The following DNMBP variants were observed in gnomAD, a reference collection of about 807,000 sequenced individuals.
DNMBP encodes dynamin-binding protein.
A neutral mutation model predicts 150.0 loss-of-function variants in DNMBP; 87 were observed. The observed-to-expected ratio is 0.58, with a 90% CI of 0.49 to 0.69. The LOEUF (loss-of-function observed/expected upper bound fraction) is 0.69. DNMBP is among the 30% of genes least tolerant of loss of function. The probability of loss-of-function intolerance (pLI) is 0.00; values close to 1 mark genes in which losing one functional copy is unlikely to be tolerated. For synonymous variants in DNMBP, 711 were observed against 750.4 expected, an observed-to-expected ratio of 0.95 and a Z score of 0.86; for missense variants, 1,774 against 1,949.0, an observed-to-expected ratio of 0.91 and a Z score of 1.69.
intron 12 of DNMBP, among the ~76,000 whole-genome samples, chr10:99,888,292 C>T (rs1178831061): frequency 6.6e-6 from 1 of 151,790 alleles, no homozygotes; most frequent in African/African-American, 2.4e-5. Flanking sequence ...TTCATTGCAA[C>T]CTCCTCCTCC....
At chr10:99,911,225 A>G (rs991154154) in intron 4 of DNMBP, among the ~76,000 whole-genome samples, 2 of 151,066 alleles carry the variant, frequency 1.3e-5, no homozygotes, top group African/African-American at 2.4e-5. Context: ...TGAGTAAAAA[A>G]AAAATCTGGC....
intron 12 of DNMBP, among the ~76,000 whole-genome samples, chr10:99,887,140 G>A (rs1358658271): frequency 6.6e-6 from 1 of 151,132 alleles, no homozygotes; most frequent in Non-Finnish European, 1.5e-5. Context: ...CCAGGCTGGA[G>A]TGCAGTGGCG....
intron 1 of DNMBP, among the ~76,000 whole-genome samples, chr10:99,989,018 A>G (rs1489154476): frequency 6.6e-6 from 1 of 152,126 alleles, no homozygotes; most frequent in Non-Finnish European, 1.5e-5. Flanking sequence ...AAACTTTTTC[A>G]GCTACTTCTT....
intron 4 of DNMBP, among the ~76,000 whole-genome samples, chr10:99,922,677 C>G (rs548616431): frequency 1.1e-4 from 17 of 152,070 alleles, no homozygotes; most frequent in Non-Finnish European, 2.4e-4. Flanking sequence ...ACCACCATAC[C>G]CTGCTAATTT....
At position 99,879,964 on chromosome 10, in the gene DNMBP, G is replaced by C; in HGVS notation, c.4395C>G (p.Ser1465Arg). 1 of 1,613,918 alleles carries C rather than the reference G, an allele frequency of 6.2e-7. No individual in the cohort carries two copies. Among genetic ancestry groups the C allele is most frequent in the Non-Finnish European group, 8.5e-7 (1 of 1,180,048 alleles). The change falls in exon 16 of 17, where the codon AGC becomes AGG. Residue 1465 changes from serine to arginine, a missense_variant. Ser to Arg is a moderately radical substitution (Grantham distance 110). This residue lies in a region of DNMBP where 1,430 missense variants were observed against 1,492.5 expected (regional missense o/e 0.96). Transcript: ENST00000324109. ...DVKQPTATPR[S>R]YRNFRHPEIV... ...TTTCTGGATGCCTGAAGTTCCGGTA[G>C]CTCCTCGGCGTGGCAGTGGGTTGCT...
At chr10:100,005,679 G>A (rs1391167507) in intron 1 of DNMBP, among the ~76,000 whole-genome samples, 1 of 150,428 alleles carries the variant, frequency 6.6e-6, no homozygotes, top group Non-Finnish European at 1.5e-5. Flanking sequence ...GCTTGAACCC[G>A]GGAGGCGGAG....
chr10:99,988,834 G>T (rs1589450982), intron 1 of DNMBP, among the ~76,000 whole-genome samples: 1 of 151,868 alleles, frequency 6.6e-6, no homozygotes, highest in East Asian at 1.9e-4. Flanking sequence ...GCTAATTTTT[G>T]TATTTTTAGT....
At chr10:100,008,051 G>T (rs772594912) in intron 1 of DNMBP, among the ~76,000 whole-genome samples, 2 of 152,180 alleles carry the variant, frequency 1.3e-5, no homozygotes, top group African/African-American at 2.4e-5. Context: ...TCCATTAGCT[G>T]ACTCTAGAAA....
chr10:99,998,981 C>T (rs1418555978), intron 1 of DNMBP, among the ~76,000 whole-genome samples: 1 of 152,168 alleles, frequency 6.6e-6, no homozygotes, highest in Non-Finnish European at 1.5e-5. Flanking sequence ...TCAAAGAATG[C>T]TACCTGGATG....
chr10:99,976,179 G>A (rs1433628977), intron 1 of DNMBP, among the ~76,000 whole-genome samples: 1 of 152,150 alleles, frequency 6.6e-6, no homozygotes, highest in Non-Finnish European at 1.5e-5. Flanking sequence ...ATAATCAACT[G>A]CAAGCTCAAA....
intron 4 of DNMBP, among the ~76,000 whole-genome samples, chr10:99,952,945 A>G (rs751792731): frequency 6.6e-6 from 1 of 152,006 alleles, no homozygotes; most frequent in Non-Finnish European, 1.5e-5. Context: ...GTTGCTTTCT[A>G]TTATTGACTT....
At chr10:99,998,167 G>T (rs1482854081) in intron 1 of DNMBP, among the ~76,000 whole-genome samples, 2 of 149,780 alleles carry the variant, frequency 1.3e-5, no homozygotes, top group African/African-American at 4.9e-5. Flanking sequence ...CCCGGGAGGT[G>T]GAGGTTGCAA....
chr10:99,939,083 TAGA>T (rs1214717969), intron 4 of DNMBP, among the ~76,000 whole-genome samples: 1 of 150,516 alleles, frequency 6.6e-6, no homozygotes, highest in Non-Finnish European at 1.5e-5. Flanking sequence ...ACAGAGAAGG[TAGA>T]AGAAGGGTAA....
At chr10:99,926,004 C>T (rs1194914084) in intron 4 of DNMBP, among the ~76,000 whole-genome samples, 8 of 152,258 alleles carry the variant, frequency 5.3e-5, no homozygotes, top group African/African-American at 1.7e-4. Context: ...AACCCTGAAC[C>T]TTTAGCCCTC....
At chr10:99,894,024 A>G (rs1264344851) in intron 11 of DNMBP, among the ~76,000 whole-genome samples, 2 of 152,204 alleles carry the variant, frequency 1.3e-5, no homozygotes, top group African/African-American at 4.8e-5. Context: ...AAGATCAGAT[A>G]TTCAGGCTGG....
chr10:99,967,112 A>G (rs2040627167), intron 3 of DNMBP, among the ~76,000 whole-genome samples: 1 of 152,024 alleles, frequency 6.6e-6, no homozygotes, highest in African/African-American at 2.4e-5. Context: ...ATCAATCCTA[A>G]TGATACTTCT....
chr10:99,954,198 AAT>A (rs1414175194), intron 4 of DNMBP, among the ~76,000 whole-genome samples: 3 of 151,788 alleles, frequency 2.0e-5, no homozygotes, highest in Non-Finnish European at 2.9e-5. Context: ...ACTCCTGGCT[AAT>A]TATTTTTTGT....
At chr10:99,984,312 T>G (rs1187831810) in intron 1 of DNMBP, among the ~76,000 whole-genome samples, 2 of 152,192 alleles carry the variant, frequency 1.3e-5, no homozygotes, top group African/African-American at 4.8e-5. Context: ...TCTTAAATAA[T>G]GCATGAATCT....
chr10:99,892,156 G>A lies in DNMBP; in HGVS notation c.3156+2790C>T, dbSNP rs551525272. 5.7e-5 allele frequency among the ~76,000 whole-genome samples: 8 copies of A among 141,362 alleles called. 1 individual carries two copies. Among genetic ancestry groups the A allele is most frequent in the East Asian group, 4.1e-4 (2 of 4,910 alleles). The allele number at this position is 141,362 out of a possible 152,430, so 92.7% of individuals were successfully genotyped here. On this transcript the variant is annotated intron_variant, in intron 11 of 16. Transcript: ENST00000324109. ...GCCCCTCTGCCCGGCCAGCCGCCCCGTCCAGGAGGGAGGTGGGGGGGTCAG... is the reference window on the plus strand; with the variant it reads ...GCCCCTCTGCCCGGCCAGCCGCCCCATCCAGGAGGGAGGTGGGGGGGTCAG...
Sources: allele counts gnomAD v4.1 joint callset (sites outside exome capture counted in the v4.1 genomes callset), GRCh38; gene constraint gnomAD v4.1.1; regional missense constraint gnomAD v4.1.1; transcripts MANE v1.5; gene names NCBI Gene and HGNC (gene_info 2026-07-23, HGNC 2026-07-21).